ENPP3: variants seen among roughly 807,000 people sequenced by gnomAD.
ENPP3 encodes ectonucleotide pyrophosphatase/phosphodiesterase family member 3.
ENPP3 carries 104 observed loss-of-function variants against 117.8 expected under a neutral mutation model. The observed-to-expected ratio is 0.88, with a 90% confidence interval of 0.75 to 1.04. The LOEUF (loss-of-function observed/expected upper bound fraction) is 1.04, where lower values mean the gene tolerates loss of function less well. ENPP3 is among the 50% of genes least tolerant of loss of function. The probability of loss-of-function intolerance (pLI) is 0.00; values close to 1 mark genes in which losing one functional copy is unlikely to be tolerated. For synonymous variants in ENPP3, 380 were observed against 349.9 expected (o/e 1.09, Z -0.96); for missense variants, 1,026 against 1,051.9 (o/e 0.98, Z 0.34).
chr6:131,673,083 A>G (rs1263231639), intron 7 of ENPP3, among the ~76,000 whole-genome samples: 1 of 152,220 alleles, frequency 6.6e-6, no homozygotes, highest in Admixed American at 6.5e-5. Flanking sequence ...AAACTTTAAC[A>G]AACAGTTAAT....
At chr6:131,654,212 C>A (rs1231926785) in intron 5 of ENPP3, among the ~76,000 whole-genome samples, 1 of 151,906 alleles carries the variant, frequency 6.6e-6, no homozygotes, top group African/African-American at 2.4e-5. Context: ...TAGCTCACTG[C>A]AGCCTCAAAT....
At chr6:131,662,756 G>C (rs1007727694) in intron 6 of ENPP3, among the ~76,000 whole-genome samples, 2 of 151,940 alleles carry the variant, frequency 1.3e-5, no homozygotes, top group African/African-American at 4.8e-5. Context: ...AGATTACATT[G>C]AATCTATAGA....
chr6:131,686,227 A>G (rs950692860), intron 14 of ENPP3, among the ~76,000 whole-genome samples: 6 of 152,254 alleles, frequency 3.9e-5, no homozygotes, highest in Non-Finnish European at 7.4e-5. Flanking sequence ...TTTTTGTGTG[A>G]CTAATATAAG....
At chr6:131,734,722 C>A (rs1469615225) in intron 21 of ENPP3, among the ~76,000 whole-genome samples, 1 of 151,456 alleles carries the variant, frequency 6.6e-6, no homozygotes, top group Admixed American at 6.6e-5. Flanking sequence ...CATGGTGAAA[C>A]CCTGTCCCGT....
Position 131,693,626 on chromosome 6 carries a change from T to C in ENPP3, c.1412+2T>C, listed in dbSNP as rs781318519. ...GGATCAACAGTGGCTGGCTGTTAGG[T>C]TCGTGTATCTGTTTACTTATCTCAT... On this transcript the variant is annotated splice_donor_variant, in intron 15 of 24. Transcript: ENST00000357639. LOFTEE classifies it high-confidence loss of function. The C allele has an allele frequency of 6.2e-7, 1 of 1,612,888 alleles. No homozygotes were observed.
At chr6:131,692,673 A>T (rs971982869) in intron 14 of ENPP3, among the ~76,000 whole-genome samples, 4 of 146,738 alleles carry the variant, frequency 2.7e-5, no homozygotes, top group Non-Finnish European at 6.0e-5. Context: ...TATATATATA[A>T]TATATGGTTA....
chr6:131,676,898 A>C, intron 10 of ENPP3, 97 bp downstream of exon 10: 1 of 810,706 alleles, frequency 1.2e-6, no homozygotes, highest in Admixed American at 2.4e-5. Context: ...ATTTTTGGCT[A>C]TTTTCGAAAC....
At chr6:131,696,008 A>G (rs1305757085) in intron 15 of ENPP3, among the ~76,000 whole-genome samples, 1 of 152,158 alleles carries the variant, frequency 6.6e-6, no homozygotes, top group African/African-American at 2.4e-5. Context: ...TTCTAGTGAA[A>G]GTACATCATT....
In ENPP3 at chr6:131,676,747, T is replaced by A. The variant is rs752540719; in HGVS notation, c.884T>A (p.Phe295Tyr). The A allele has an allele frequency of 1.9e-6, 3 of 1,604,860 alleles. No individual in the cohort carries two copies. The highest frequency in any genetic ancestry group is 2.7e-5 in the African/African-American group (2 of 74,712). ...IYMPYNGSVP[F>Y]EERISTLLKW... is the part of the protein sequence containing the mutation. ...CCCTATTTTTTCAGAAGTGTCCCAT[T>A]TGAAGAGAGGATTTCTACACTGTTA... is the stretch of plus-strand genomic sequence containing the variant. Residue 295 changes from phenylalanine to tyrosine, a missense_variant, in exon 10 of 25, where the codon TTT (phenylalanine) becomes TAT (tyrosine). Transcript: ENST00000357639.
At chr6:131,743,333 C>G (rs1416795720) in intron 24 of ENPP3, among the ~76,000 whole-genome samples, 1 of 151,822 alleles carries the variant, frequency 6.6e-6, no homozygotes, top group African/African-American at 2.4e-5. Flanking sequence ...AGTTGGACCT[C>G]CTGGGTTCAG....
At chr6:131,743,824 CAAAAT>C (rs3884395) in intron 24 of ENPP3, among the ~76,000 whole-genome samples, 30,323 of 148,132 alleles carry the variant, frequency 0.2, 3,415 homozygotes, top group African/African-American at 0.3. Context: ...GACTCTGTCT[CAAAAT>C]AAAATAAAAT....
chr6:131,646,767 T>G lies in ENPP3; in HGVS notation c.155-3260T>G, dbSNP rs561408810. ...GGCTTTTTTTTTTTTTTTTTTTAAC[T>G]TTTCCAGGACTCCTTCCTCTTAGGC... is the stretch of plus-strand genomic sequence containing the variant. On this transcript the variant is annotated intron_variant, in intron 2 of 24. Transcript: ENST00000357639. 5.1e-4 allele frequency among the ~76,000 whole-genome samples: 76 copies of G among 149,410 alleles called. 1 individual carries two copies. In the South Asian group the frequency reaches 0.015, roughly 30 times the overall value.
Position 131,639,259 on chromosome 6 carries a change from A to ATT in ENPP3, c.78+1798_78+1799insTT, listed in dbSNP as rs1182066318. 6.5e-5 allele frequency among the ~76,000 whole-genome samples: 4 copies of ATT among 61,484 alleles called. No homozygotes were observed. The Admixed American group carries it at 7.4e-4, about 11-fold the overall frequency. 40.3% of individuals were successfully genotyped at this position (61,484 alleles called of 152,430 possible). A position where few individuals can be genotyped will look rare whatever the true frequency, so the allele number is the denominator to read the frequency against. On this transcript the variant is annotated intron_variant, in intron 1 of 24. Transcript: ENST00000357639. ...AGCTCTTATGCTAATATATATATATATATATATTTTTTTTTTTTTCTCTCT... is the reference window on the plus strand; with the variant it reads ...AGCTCTTATGCTAATATATATATATATTTATATATTTTTTTTTTTTTCTCTCT...
chr6:131,727,427 T>G (rs1780177438), intron 20 of ENPP3, among the ~76,000 whole-genome samples: 1 of 151,784 alleles, frequency 6.6e-6, no homozygotes, highest in Non-Finnish European at 1.5e-5. Context: ...GGGTGGCATA[T>G]GCCTGCAATC....
chr6:131,650,925 AT>A (rs35451980), intron 3 of ENPP3, among the ~76,000 whole-genome samples: 4,574 of 147,576 alleles, frequency 0.031, 104 homozygotes, highest in Middle Eastern at 0.11. Context: ...TTTACAAGTA[AT>A]TTTTTTTTTT....
chr6:131,652,836 A>G lies in ENPP3; in HGVS notation c.409A>G (p.Thr137Ala). The change falls in exon 5 of 25, where the codon ACC becomes GCC. Residue 137 changes from threonine (T) to alanine (A), a missense_variant. Thr to Ala is a moderately conservative substitution (Grantham distance 58). Transcript: ENST00000357639. ...ADYKSVCQGE[T>A]SWLEENCDTA... ...TTTGATCTTATGCTTTTCAGGAGAA[A>G]CCTCATGGCTGGAAGAAAACTGTGA... 6.2e-7 allele frequency: 1 copy of G among 1,613,298 alleles called. No individual in the cohort carries two copies. The highest frequency in any genetic ancestry group is 8.5e-7 in the Non-Finnish European group (1 of 1,179,318).
intron 20 of ENPP3, among the ~76,000 whole-genome samples, chr6:131,729,801 T>G (rs1247326992): frequency 6.6e-6 from 1 of 152,172 alleles, no homozygotes; most frequent in African/African-American, 2.4e-5. Flanking sequence ...TGCACTTTTA[T>G]TTGAGGGTTC....
chr6:131,742,718 A>G (rs1780553238), intron 24 of ENPP3, among the ~76,000 whole-genome samples: 1 of 152,108 alleles, frequency 6.6e-6, no homozygotes, highest in African/African-American at 2.4e-5. Flanking sequence ...TTCCAGGTCA[A>G]TTGGAGTCCT....
Position 131,722,420 on chromosome 6 carries a change from C to T in ENPP3, c.1746+15C>T. On this transcript the variant is annotated intron_variant, in intron 18 of 24. Transcript: ENST00000357639. ...ACCTACAAAATGTAAGTAACAACTT[C>T]ATGCATCCATAAGAACGTAAAGGGG... 3 of 1,609,000 alleles carry T rather than the reference C, an allele frequency of 1.9e-6. No individual in the cohort carries two copies. Among genetic ancestry groups the T allele is most frequent in the Non-Finnish European group, 2.5e-6 (3 of 1,176,688 alleles).
Sources: allele counts gnomAD v4.1 joint callset (sites outside exome capture counted in the v4.1 genomes callset), GRCh38; gene constraint gnomAD v4.1.1; transcripts MANE v1.5; gene names NCBI Gene and HGNC (gene_info 2026-07-23, HGNC 2026-07-21).